Variants in BBX observed in about 807,000 individuals in gnomAD.
BBX encodes the protein BBX high mobility group box domain containing.
A neutral mutation model predicts 100.2 loss-of-function variants in BBX; 30 were observed. The observed-to-expected ratio is 0.30, with a 90% CI of 0.22 to 0.41. BBX has a LOEUF of 0.41. Ranked by LOEUF, BBX falls within the 10% of genes least tolerant of loss-of-function variation. The probability of loss-of-function intolerance (pLI) is 1.00; values close to 1 mark genes in which losing one functional copy is unlikely to be tolerated. For synonymous variants in BBX, 376 were observed against 388.1 expected (o/e 0.97, Z 0.37); for missense variants, 1,023 against 1,129.8 (o/e 0.91, Z 1.35).
chr3:107,653,992 C>T lies in BBX; in HGVS notation c.-10+8083C>T, dbSNP rs547597421. 2.4e-3 allele frequency among the ~76,000 whole-genome samples: 372 copies of T among 152,296 alleles called. 3 individuals are homozygous for T. Among genetic ancestry groups the T allele is most frequent in the African/African-American group, 8.6e-3 (358 of 41,560 alleles). On this transcript the variant is annotated intron_variant, in intron 3 of 17. Coordinates refer to ENST00000325805, the MANE Select transcript of BBX (RefSeq NM_001142568.3). ...AGGTAGCACCTGGATGGACATGAAA[C>T]TCCGTCCATGCCTTCAATAGAGTTT...
rs748121907 is a variant in BBX, at chr3:107,689,376, A to G, written c.-9-21076A>G. ...ATATCTGTTAAACTGTAACCTGCCTATTGTGTTCAGTACAGAATGCTGAAT... is the reference window on the plus strand; with the variant it reads ...ATATCTGTTAAACTGTAACCTGCCTGTTGTGTTCAGTACAGAATGCTGAAT... On this transcript the variant is annotated intron_variant, in intron 3 of 17. Transcript: ENST00000325805. Among the ~76,000 whole-genome samples, 10 of 152,302 alleles carry G rather than the reference A, an allele frequency of 6.6e-5. No homozygotes were observed. In the East Asian group the frequency reaches 1.7e-3, roughly 26 times the overall value.
chr3:107,784,454 G>A (rs1576796116), intron 13 of BBX, among the ~76,000 whole-genome samples: 1 of 151,910 alleles, frequency 6.6e-6, no homozygotes, highest in African/African-American at 2.4e-5. Flanking sequence ...AATACAGAGT[G>A]TGTTCTCTGA....
In BBX at chr3:107,805,379, G is replaced by A. The variant is rs754435060; in HGVS notation, c.2748G>A (p.Arg916=). Residue 916 remains arginine, a synonymous_variant, in exon 18 of 18, where the codon AGG becomes AGA. Transcript: ENST00000325805. ...TCCTTTTATTTTACAGAGGTCAGAG[G>A]TCAACTCCGCTCACCCATGATGGAC... ...AAMENVHRGQ[R]STPLTHDGQP... 18 of 1,613,578 alleles carry A rather than the reference G, an allele frequency of 1.1e-5. No individual in the cohort carries two copies. The South Asian group carries it at 2.0e-4, about 18-fold the overall frequency.
At chr3:107,710,053 C>G (rs1044739400) in intron 3 of BBX, among the ~76,000 whole-genome samples, 8 of 152,262 alleles carry the variant, frequency 5.3e-5, no homozygotes, top group African/African-American at 1.9e-4. Context: ...CTCTTCAACT[C>G]TCTTGGGAGG....
chr3:107,648,817 A>G (rs1362665405), intron 3 of BBX, among the ~76,000 whole-genome samples: 1 of 152,252 alleles, frequency 6.6e-6, no homozygotes, highest in Non-Finnish European at 1.5e-5. Context: ...AAACATTATT[A>G]TCAAACTTGT....
chr3:107,641,355 G>T (rs770739576), intron 2 of BBX, among the ~76,000 whole-genome samples: 1 of 152,112 alleles, frequency 6.6e-6, no homozygotes, highest in African/African-American at 2.4e-5. Context: ...AAAGTGCTGG[G>T]ATTATAGGCG....
intron 7 of BBX, among the ~76,000 whole-genome samples, chr3:107,743,608 C>T (rs938384183): frequency 1.3e-5 from 2 of 152,176 alleles, no homozygotes; most frequent in East Asian, 1.9e-4. Flanking sequence ...TAGAGAAACA[C>T]GTCCTCAATG....
chr3:107,583,874 A>T (rs1231899485), intron 2 of BBX, among the ~76,000 whole-genome samples: 1 of 133,802 alleles, frequency 7.5e-6, no homozygotes, highest in Non-Finnish European at 1.6e-5. Flanking sequence ...AAGATAAATT[A>T]TACTTTATAT....
chr3:107,749,736 C>T (rs2064920455), intron 9 of BBX, among the ~76,000 whole-genome samples: 1 of 151,648 alleles, frequency 6.6e-6, no homozygotes, highest in Non-Finnish European at 1.5e-5. Flanking sequence ...CAGGTTCAAG[C>T]GATTCTCCTG....
At chr3:107,572,474 T>A (rs1300610333) in intron 2 of BBX, among the ~76,000 whole-genome samples, 1 of 152,208 alleles carries the variant, frequency 6.6e-6, no homozygotes, top group African/African-American at 2.4e-5. Context: ...AGTAATTGCA[T>A]ATTAGTCTTT....
Position 107,773,254 on chromosome 3 carries a change from C to T in BBX, c.1533C>T (p.Val511=), listed in dbSNP as rs1259967487. 1.2e-6 allele frequency: 2 copies of T among 1,614,018 alleles called. No homozygotes were observed. Among genetic ancestry groups the T allele is most frequent in the Admixed American group, 1.7e-5 (1 of 60,014 alleles). Residue 511 remains valine, a synonymous_variant, in exon 11 of 18, where the codon GTC becomes GTT. Coordinates refer to ENST00000325805, the MANE Select transcript of BBX (RefSeq NM_001142568.3). This position sits in a 1 kb window ranked among gnomAD's most constrained non-coding sequence, Gnocchi z 4.1. ...TTGGAGATACCCCTCGCAAGAAGGT[C>T]CGCACATCCTCAAGTGGCAAGGGAA... ...EKLGDTPRKK[V]RTSSSGKGSI...
At chr3:107,711,269 T>A (rs1268480671) in intron 4 of BBX, 1 of 467,980 alleles carries the variant, frequency 2.1e-6, no homozygotes, top group East Asian at 7.0e-5. Flanking sequence ...GTCTGTCTTC[T>A]CTCAGACCAG....
At chr3:107,665,582 T>C (rs1026787731) in intron 3 of BBX, among the ~76,000 whole-genome samples, 1 of 152,124 alleles carries the variant, frequency 6.6e-6, no homozygotes, top group African/African-American at 2.4e-5. Flanking sequence ...TACATTGAAC[T>C]TCTCTTCCTC....
intron 5 of BBX, among the ~76,000 whole-genome samples, chr3:107,718,734 TTACTTAATTAGGTTCAC>T (rs2062297968): frequency 6.6e-6 from 1 of 152,090 alleles, no homozygotes. Context: ...CCCTTACTAA[TTACTTAATTAGGTTCAC>T]AATATTTGCC....
intron 3 of BBX, among the ~76,000 whole-genome samples, chr3:107,670,520 A>T (rs2058965930): frequency 6.6e-6 from 1 of 152,124 alleles, no homozygotes; most frequent in Admixed American, 6.5e-5. Context: ...GTATTGAAAT[A>T]TCAACACCAT....
intron 2 of BBX, among the ~76,000 whole-genome samples, chr3:107,608,797 T>C (rs570730537): frequency 6.6e-6 from 1 of 152,282 alleles, no homozygotes; most frequent in Admixed American, 6.5e-5. Flanking sequence ...TTAAATTAAT[T>C]CCTGTGTGTT....
intron 5 of BBX, among the ~76,000 whole-genome samples, chr3:107,718,478 C>T (rs1184491593): frequency 1.3e-5 from 2 of 151,428 alleles, no homozygotes; most frequent in Non-Finnish European, 3.0e-5. Context: ...AAAACTTTCC[C>T]ATTAAATAGC....
At chr3:107,580,592 G>A (rs567471272) in intron 2 of BBX, among the ~76,000 whole-genome samples, 1 of 151,926 alleles carries the variant, frequency 6.6e-6, no homozygotes, top group Admixed American at 6.5e-5. Flanking sequence ...TAAGTTATCA[G>A]GGGAAAACAT....
At chr3:107,652,753 T>C (rs1338804224) in intron 3 of BBX, among the ~76,000 whole-genome samples, 1 of 152,214 alleles carries the variant, frequency 6.6e-6, no homozygotes, top group African/African-American at 2.4e-5. Context: ...TAAATGGATC[T>C]AAGGCGGGGA....
Sources: allele counts gnomAD v4.1 joint callset (sites outside exome capture counted in the v4.1 genomes callset), GRCh38; gene constraint gnomAD v4.1.1; non-coding constraint Gnocchi (gnomAD v3.1); transcripts MANE v1.5; gene names NCBI Gene and HGNC (gene_info 2026-07-23, HGNC 2026-07-21).